Variants in RIC1 observed in about 807,000 individuals in gnomAD.
RIC1 encodes the protein guanine nucleotide exchange factor subunit RIC1.
A neutral mutation model predicts 169.0 loss-of-function variants in RIC1; 88 were observed. The observed-to-expected ratio is 0.52, with a 90% CI of 0.44 to 0.62. The LOEUF (loss-of-function observed/expected upper bound fraction) is 0.62, where lower values mean the gene tolerates loss of function less well. Ranked by LOEUF, RIC1 falls within the 20% of genes least tolerant of loss-of-function variation. The pLI, the probability that RIC1 is intolerant of heterozygous loss-of-function variation, is 0.00. For missense variants in RIC1, 1,877 were observed against 1,725.5 expected (o/e 1.09, Z -1.56); for synonymous variants, 790 against 601.5 (o/e 1.31, Z -4.59).
At chr9:5,714,049 A>G (rs556632473) in intron 4 of RIC1, 46 bp downstream of exon 4, 23 of 1,237,550 alleles carry the variant, frequency 1.9e-5, no homozygotes, top group Admixed American at 5.5e-5. Context: ...GACAGTAGAC[A>G]ATGTAGTTCG....
intron 2 of RIC1, among the ~76,000 whole-genome samples, chr9:5,689,194 G>A (rs953286878): frequency 1.9e-4 from 29 of 151,662 alleles, no homozygotes; most frequent in Middle Eastern, 3.4e-3. Flanking sequence ...GATTACAGGC[G>A]CCTGCCACCA....
At chr9:5,742,694 C>G (rs950212536) in intron 8 of RIC1, among the ~76,000 whole-genome samples, 175 bp from the exon 9 acceptor site, 7 of 150,222 alleles carry the variant, frequency 4.7e-5, no homozygotes, top group Non-Finnish European at 8.8e-5. Flanking sequence ...CAGGACAAAA[C>G]TAATGGCCTT....
chr9:5,727,144 A>T (rs1021822501), intron 6 of RIC1, among the ~76,000 whole-genome samples: 3 of 152,166 alleles, frequency 2.0e-5, no homozygotes, highest in African/African-American at 7.2e-5. Context: ...CATCCTGCAG[A>T]GTGTTTTCCA....
chr9:5,746,277 C>G (rs1028898536), intron 11 of RIC1, among the ~76,000 whole-genome samples, 194 bp downstream of exon 11: 1 of 151,704 alleles, frequency 6.6e-6, no homozygotes, highest in African/African-American at 2.4e-5. Flanking sequence ...TTTCTTTGGT[C>G]TTATTTTTTT....
intron 15 of RIC1, 29 bp downstream of exon 15, chr9:5,754,959 T>C: frequency 7.3e-7 from 1 of 1,367,134 alleles, no homozygotes; most frequent in South Asian, 1.5e-5. Flanking sequence ...AAATAACAGA[T>C]TTTTATATTT....
At chr9:5,737,286 C>T (rs1824774678) in intron 7 of RIC1, among the ~76,000 whole-genome samples, 1 of 152,026 alleles carries the variant, frequency 6.6e-6, no homozygotes, top group Non-Finnish European at 1.5e-5. Flanking sequence ...AGAAATTTGA[C>T]CCTTGTAAAG....
intron 2 of RIC1, among the ~76,000 whole-genome samples, chr9:5,683,735 C>T (rs1259555013): frequency 6.6e-6 from 1 of 152,226 alleles, no homozygotes; most frequent in Non-Finnish European, 1.5e-5. Flanking sequence ...CTGTGCCCTG[C>T]CCCCAGAGGT....
intron 2 of RIC1, among the ~76,000 whole-genome samples, chr9:5,670,848 A>G (rs566618825): frequency 4.6e-5 from 7 of 152,118 alleles, no homozygotes; most frequent in Admixed American, 4.6e-4. Flanking sequence ...TTTCAAGGAT[A>G]GTTTGGTGGG....
At chr9:5,777,171 GTTTAA>G (rs1827634323), downstream of RIC1, among the ~76,000 whole-genome samples, 1 of 152,058 alleles carries the variant, frequency 6.6e-6, no homozygotes, top group African/African-American at 2.4e-5. Context: ...AAAAATGTCT[GTTTAA>G]TTAGGTCGTT....
At chr9:5,754,729 A>T (rs1825903707) in intron 14 of RIC1, 112 bp from the exon 15 acceptor site, 2 of 633,918 alleles carry the variant, frequency 3.2e-6, no homozygotes, top group Admixed American at 3.0e-5. Flanking sequence ...AGACTGTCTC[A>T]AAAAATAATA....
intron 2 of RIC1, among the ~76,000 whole-genome samples, chr9:5,681,757 A>C (rs1448681051): frequency 1.3e-5 from 2 of 152,224 alleles, no homozygotes; most frequent in South Asian, 4.1e-4. Context: ...AAAGTCTCCC[A>C]TTATTATTGT....
In RIC1 at chr9:5,763,382, T is replaced by C. The variant is rs530635906; in HGVS notation, c.2355T>C (p.Asp785=). ...NIYPLAVLFE[D]ALVLGAVNDT... ...ACCCGCTAGCTGTTCTGTTTGAAGA[T>C]GCTTTAGTCCTTGGTGCTGTCAATG... Residue 785 remains aspartate (D), a synonymous_variant, in exon 19 of 26, where the codon GAT becomes GAC. Coordinates refer to ENST00000414202, the MANE Select transcript of RIC1 (RefSeq NM_020829.4). The surrounding 1 kb of genome is among the most constrained non-coding windows in gnomAD (Gnocchi z 5.2). The C allele has an allele frequency of 1.0e-4, 161 of 1,614,200 alleles. No homozygotes were observed. The South Asian group carries it at 1.7e-3, about 17-fold the overall frequency.
chr9:5,760,333 C>G (rs1237530761), intron 17 of RIC1, among the ~76,000 whole-genome samples: 1 of 152,114 alleles, frequency 6.6e-6, no homozygotes, highest in Non-Finnish European at 1.5e-5. Flanking sequence ...AGTGCTGTTG[C>G]AGTCATCTTT....
intron 7 of RIC1, among the ~76,000 whole-genome samples, chr9:5,733,338 A>G (rs1002179521): frequency 2.7e-5 from 4 of 148,358 alleles, no homozygotes; most frequent in Non-Finnish European, 4.4e-5. Context: ...ATCTCAGCTC[A>G]CTGCAAGCTC....
intron 1 of RIC1, among the ~76,000 whole-genome samples, chr9:5,647,430 C>G (rs1563866574): frequency 6.6e-6 from 1 of 152,212 alleles, no homozygotes; most frequent in South Asian, 2.1e-4. Context: ...ATTAAATTTT[C>G]TAATCCATGA....
At chr9:5,721,247 G>T (rs1003197306) in intron 6 of RIC1, among the ~76,000 whole-genome samples, 2 of 152,168 alleles carry the variant, frequency 1.3e-5, no homozygotes, top group Non-Finnish European at 2.9e-5. Context: ...GAAACCATGT[G>T]GTACTGACGC....
In RIC1 at chr9:5,674,500, C is replaced by G. The variant is rs188431010; in HGVS notation, c.253-15459C>G. On this transcript the variant is annotated intron_variant, in intron 2 of 25. Coordinates refer to ENST00000414202, the MANE Select transcript of RIC1 (RefSeq NM_020829.4). ...GACGGTGGTGAAAGGATAATAAAAA[C>G]TCAGGACCCCAATTCACCACTCCAA... Among the ~76,000 whole-genome samples the G allele has an allele frequency of 4.8e-4, 73 of 152,154 alleles. 1 individual carries two copies. In the East Asian group the frequency reaches 0.01, roughly 21 times the overall value.
Position 5,629,269 on chromosome 9 carries a change from T to G in RIC1, c.-41T>G. The G allele has an allele frequency of 2.1e-6, 3 of 1,440,578 alleles. No homozygotes were observed. Among genetic ancestry groups the G allele is most frequent in the Non-Finnish European group, 2.7e-6 (3 of 1,095,218 alleles). The allele number at this position is 1,440,578 out of a possible 1,614,324, so 89.2% of individuals were successfully genotyped here. ...GCGACCAGCCCGGGGCCGCTGAGTG[T>G]GACGGACGCAACTGGGGGCGCCGGG... On this transcript the variant is annotated 5_prime_UTR_variant, in exon 1 of 26. Coordinates refer to ENST00000414202, the MANE Select transcript of RIC1 (RefSeq NM_020829.4).
At chr9:5,746,519 T>A (rs1198510976) in intron 11 of RIC1, among the ~76,000 whole-genome samples, 1 of 152,076 alleles carries the variant, frequency 6.6e-6, no homozygotes, top group Non-Finnish European at 1.5e-5. Flanking sequence ...TCCAGAGGCT[T>A]AAATATGCCA....
Sources: gnomAD v4.1 joint callset for allele counts (sites outside exome capture counted in the v4.1 genomes callset) on GRCh38, gnomAD v4.1.1 for gene constraint, Gnocchi (gnomAD v3.1) non-coding constraint, MANE v1.5 for transcripts, NCBI Gene and HGNC (gene_info 2026-07-23, HGNC 2026-07-21) for gene names.